The following SPTBN4 variants were observed in gnomAD, a reference collection of about 807,000 sequenced individuals.
SPTBN4 encodes spectrin beta chain, non-erythrocytic 4.
In SPTBN4, 96 loss-of-function variants were observed where a neutral mutation model predicts 277.8. The ratio of observed to expected loss-of-function variants is 0.35; its 90% confidence interval spans 0.29 to 0.41. SPTBN4 has a LOEUF of 0.41. SPTBN4 is among the 10% of genes least tolerant of loss of function. SPTBN4 has a pLI of 1.00. For synonymous variants in SPTBN4, 1,481 were observed against 1,580.3 expected (o/e 0.94, Z 1.49); for missense variants, 3,006 against 3,595.7 (o/e 0.84, Z 4.19).
chr19:40,479,381 A>G (rs530052432), intron 2 of SPTBN4, among the ~76,000 whole-genome samples: 3 of 152,202 alleles, frequency 2.0e-5, no homozygotes, highest in South Asian at 4.1e-4. Context: ...CACTACTGTC[A>G]TTGATCTGTG....
Position 40,502,587 on chromosome 19 carries a change from A to G in SPTBN4, c.1203+80A>G, listed in dbSNP as rs941893722. ...TGCACACTGCTCAAGGGAATCATTC[A>G]CATTGTAGACATGATGGATTAGATA... On this transcript the variant is annotated intron_variant, in intron 10 of 35. Transcript: ENST00000598249. This position sits in a 1 kb window ranked among gnomAD's most constrained non-coding sequence, Gnocchi z 4.9. The G allele has an allele frequency of 3.3e-5, 47 of 1,440,982 alleles. No individual in the cohort carries two copies. Among genetic ancestry groups the G allele is most frequent in the Admixed American group, 2.2e-4 (11 of 49,592 alleles). The allele number at this position is 1,440,982 out of a possible 1,614,324, so 89.3% of individuals were successfully genotyped here.
intron 18 of SPTBN4, 58 bp from the exon 19 acceptor site, chr19:40,532,567 T>TG: frequency 3.2e-6 from 5 of 1,571,424 alleles, no homozygotes; most frequent in Non-Finnish European, 4.3e-6. Flanking sequence ...CCTGAAGGGA[T>TG]GGGGGGCTGT....
chr19:40,519,781 A>T lies in SPTBN4; in HGVS notation c.3284A>T (p.His1095Leu). 1 of 1,427,292 alleles carries T rather than the reference A, an allele frequency of 7.0e-7. No homozygotes were observed. The highest frequency in any genetic ancestry group is 9.1e-7 in the Non-Finnish European group (1 of 1,104,616). 88.4% of individuals were successfully genotyped at this position (1,427,292 alleles called of 1,614,324 possible). Residue 1095 changes from histidine (H) to leucine (L), a missense_variant, in exon 16 of 36, where the codon CAT becomes CTT. His to Leu is a moderately conservative substitution (Grantham distance 99, BLOSUM62 -3). Around this residue, in one of 5 missense-constraint regions of SPTBN4, gnomAD observed 1,759 missense variants for 2,061.5 expected, o/e 0.85. Transcript: ENST00000598249. This position sits in a 1 kb window ranked among gnomAD's most constrained non-coding sequence, Gnocchi z 5.7. ...AAAGRLQRFL[H>L]DLDAFLDWLV... Reference sequence around the variant, plus strand: ...GCAGGGCGCCTGCAGCGCTTCCTACATGACCTCGACGCTTTCCTGGACTGG... The same window carrying T: ...GCAGGGCGCCTGCAGCGCTTCCTACTTGACCTCGACGCTTTCCTGGACTGG...
At position 40,557,118 on chromosome 19, in the gene SPTBN4, C is replaced by T. The variant is rs200956251; in HGVS notation, c.5385C>T (p.Ile1795=). ...AAVNQMVDEL[I]ECGHTAAATM... Reference sequence around the variant, plus strand: ...TGAACCAGATGGTGGATGAGCTGATCGAGTGTGGCCATACAGCAGCGGCCA... The same window carrying T: ...TGAACCAGATGGTGGATGAGCTGATTGAGTGTGGCCATACAGCAGCGGCCA... Residue 1795 remains isoleucine, a synonymous_variant, in exon 26 of 36, where the codon ATC becomes ATT. Coordinates refer to ENST00000598249, the MANE Select transcript of SPTBN4 (RefSeq NM_020971.3). 5.2e-5 allele frequency: 83 copies of T among 1,609,442 alleles called. No homozygotes were observed. The highest frequency in any genetic ancestry group is 6.0e-5 in the Non-Finnish European group (71 of 1,176,754).
At chr19:40,561,434 T>C (rs1273033467) in intron 27 of SPTBN4, among the ~76,000 whole-genome samples, 2 of 152,248 alleles carry the variant, frequency 1.3e-5, no homozygotes, top group African/African-American at 2.4e-5. Context: ...TCAGCAAATA[T>C]GTATTAAATG....
In SPTBN4 at chr19:40,549,401, G is replaced by C. The variant is rs2080892665; in HGVS notation, c.4572G>C (p.Leu1524=). 6.6e-7 allele frequency: 1 copy of C among 1,505,744 alleles called. No homozygotes were observed. The allele number at this position is 1,505,744 out of a possible 1,614,324, so 93.3% of individuals were successfully genotyped here. Residue 1524 remains leucine, a synonymous_variant, in exon 21 of 36, where the codon CTG becomes CTC. Coordinates refer to ENST00000598249, the MANE Select transcript of SPTBN4 (RefSeq NM_020971.3). ...SKELHQVAHD[L]DDELAWVQER... is the part of the protein sequence containing the mutation. Reference sequence around the variant, plus strand: ...AGTTGCACCAGGTGGCGCACGACCTGGACGACGAGCTGGTGAGGCCAGCGC... The same window carrying C: ...AGTTGCACCAGGTGGCGCACGACCTCGACGACGAGCTGGTGAGGCCAGCGC...
chr19:40,490,342 A>G lies in SPTBN4; in HGVS notation c.495+94A>G. The G allele has an allele frequency of 2.1e-6, 3 of 1,410,566 alleles. No homozygotes were observed. The highest frequency in any genetic ancestry group is 2.9e-6 in the Non-Finnish European group (3 of 1,046,682). 87.4% of individuals were successfully genotyped at this position (1,410,566 alleles called of 1,614,324 possible). On this transcript the variant is annotated intron_variant, in intron 4 of 35. Coordinates refer to ENST00000598249, the MANE Select transcript of SPTBN4 (RefSeq NM_020971.3). The surrounding 1 kb of genome is among the most constrained non-coding windows in gnomAD (Gnocchi z 4.3). Reference sequence around the variant, plus strand: ...CCATTCATTCTTTCCTTCCAATAATATCCTAATATGCTGGAATCCTATTCC... The same window carrying G: ...CCATTCATTCTTTCCTTCCAATAATGTCCTAATATGCTGGAATCCTATTCC...
chr19:40,563,721 A>G (rs1331934769), intron 27 of SPTBN4, among the ~76,000 whole-genome samples: 1 of 150,722 alleles, frequency 6.6e-6, no homozygotes, highest in Non-Finnish European at 1.5e-5. Context: ...CTCAAAAACA[A>G]CAACAACCAA....
At chr19:40,540,814 CAAAAAAAAAAAAAA>C (rs58695945) in intron 20 of SPTBN4, among the ~76,000 whole-genome samples, 3 of 79,338 alleles carry the variant, frequency 3.8e-5, no homozygotes, top group Admixed American at 1.8e-4. Context: ...ACCCCCATCT[CAAAAAAAAAAAAAA>C]AAAAAAAAAA....
chr19:40,568,531 C>G (rs550857185), intron 31 of SPTBN4, among the ~76,000 whole-genome samples: 1 of 152,330 alleles, frequency 6.6e-6, no homozygotes, highest in South Asian at 2.1e-4. Flanking sequence ...CGTAGGTTCT[C>G]GGCCCCTGGG....
At chr19:40,528,055 CAAAA>C (rs751179742) in intron 17 of SPTBN4, among the ~76,000 whole-genome samples, 2 of 33,658 alleles carry the variant, frequency 5.9e-5, no homozygotes, top group Non-Finnish European at 1.0e-4. Context: ...GACTCCATCT[CAAAA>C]AAAAAAAAAA....
At chr19:40,511,710 C>T (rs1019843917) in intron 13 of SPTBN4, among the ~76,000 whole-genome samples, 2 of 152,196 alleles carry the variant, frequency 1.3e-5, no homozygotes, top group Non-Finnish European at 2.9e-5. Context: ...CAAGACCAGC[C>T]TGGCCAACAT....
At chr19:40,546,116 T>C (rs1472332453) in intron 20 of SPTBN4, among the ~76,000 whole-genome samples, 1 of 145,898 alleles carries the variant, frequency 6.9e-6, no homozygotes, top group Non-Finnish European at 1.5e-5. Context: ...TCCCAGCTAC[T>C]CGGGAGGCGG....
At chr19:40,559,459 G>A (rs541244224) in intron 26 of SPTBN4, among the ~76,000 whole-genome samples, 27 of 152,230 alleles carry the variant, frequency 1.8e-4, no homozygotes, top group African/African-American at 6.5e-4. Flanking sequence ...ATGAGCCTGG[G>A]CAACATAGTA....
chr19:40,496,194 G>T (rs1412155529), intron 6 of SPTBN4, among the ~76,000 whole-genome samples: 1 of 152,108 alleles, frequency 6.6e-6, no homozygotes, highest in Non-Finnish European at 1.5e-5. Flanking sequence ...CTGTCCCCCA[G>T]GCTAGAGTGC....
chr19:40,571,902 G>C (rs761790008), intron 33 of SPTBN4, 117 bp from the exon 34 acceptor site: 18 of 1,239,206 alleles, frequency 1.5e-5, no homozygotes, highest in Non-Finnish European at 1.9e-5. Flanking sequence ...GGCGCAACTA[G>C]GGCGCAAAGG....
chr19:40,483,286 A>G (rs1599716249), intron 2 of SPTBN4, among the ~76,000 whole-genome samples: 1 of 152,124 alleles, frequency 6.6e-6, no homozygotes. Flanking sequence ...AAAACCTGCT[A>G]TTTGGCATGG....
Position 40,501,865 on chromosome 19 carries a change from C to T in SPTBN4, c.785-56C>T, listed in dbSNP as rs1283906284. ...TCTCCATCCCTCCATCCAATACCTTCAAGCACTCTGTCAAAGTGCCCACTG... is the reference window on the plus strand; with the variant it reads ...TCTCCATCCCTCCATCCAATACCTTTAAGCACTCTGTCAAAGTGCCCACTG... On this transcript the variant is annotated intron_variant, in intron 7 of 35. Transcript: ENST00000598249. 14 of 1,465,462 alleles carry T rather than the reference C, an allele frequency of 9.6e-6. No homozygotes were observed. The East Asian group carries it at 3.2e-4, about 33-fold the overall frequency. 90.8% of individuals were successfully genotyped at this position (1,465,462 alleles called of 1,614,324 possible). A position where few individuals can be genotyped will look rare whatever the true frequency, so the allele number is the denominator to read the frequency against.
intron 2 of SPTBN4, among the ~76,000 whole-genome samples, chr19:40,482,855 G>A (rs1211505080): frequency 2.2e-4 from 34 of 152,022 alleles, no homozygotes; most frequent in Non-Finnish European, 1.5e-5. Context: ...CAGCTACTCG[G>A]GAGGCTGAGG....
Sources: gnomAD v4.1 joint callset for allele counts (sites outside exome capture counted in the v4.1 genomes callset) on GRCh38, gnomAD v4.1.1 for gene constraint, gnomAD v4.1.1 regional missense constraint, Gnocchi (gnomAD v3.1) non-coding constraint, MANE v1.5 for transcripts, NCBI Gene and HGNC (gene_info 2026-07-23, HGNC 2026-07-21) for gene names.